The following SI variants were observed in gnomAD, a reference collection of about 807,000 sequenced individuals.
SI encodes sucrase-isomaltase, intestinal.
SI carries 235 observed loss-of-function variants against 253.3 expected under a neutral mutation model. That is an observed-to-expected ratio of 0.93 (90% CI 0.83 to 1.03). SI has a LOEUF of 1.03. Among genes scored for constraint, SI ranks in the 50% least tolerant of loss-of-function variants. The pLI, the probability that SI is intolerant of heterozygous loss-of-function variation, is 0.00. For synonymous variants in SI, 819 were observed against 712.0 expected (o/e 1.15, Z -2.39); for missense variants, 2,442 against 2,211.1 (o/e 1.10, Z -2.09).
In SI at chr3:165,015,119, G is replaced by A. The variant is rs775559686; in HGVS notation, c.3999+4C>T. ...TATTCTATTTCAAGATATCGATTTA[G>A]TACCTTTGCCCAACAAATGTCATTG... On this transcript the variant is annotated splice_donor_region_variant and intron_variant, in intron 33 of 47. Transcript: ENST00000264382. 1.3e-6 allele frequency: 2 copies of A among 1,592,908 alleles called. No homozygotes were observed. Among genetic ancestry groups the A allele is most frequent in the South Asian group, 2.2e-5 (2 of 90,628 alleles).
At chr3:165,030,029 T>C (rs1160510880) in intron 25 of SI, among the ~76,000 whole-genome samples, 1 of 150,090 alleles carries the variant, frequency 6.7e-6, no homozygotes, top group Non-Finnish European at 1.5e-5. Context: ...TGTAAATGTC[T>C]CTGGGAAATT....
At chr3:165,074,737 T>C in intron 2 of SI, 70 bp from the exon 3 acceptor site, 3 of 1,305,974 alleles carry the variant, frequency 2.3e-6, no homozygotes, top group Non-Finnish European at 2.2e-6. Context: ...TATCAAGTAA[T>C]AAGTACTTTT....
At chr3:165,066,346 G>T (rs146895149) in intron 6 of SI, among the ~76,000 whole-genome samples, 7 of 151,968 alleles carry the variant, frequency 4.6e-5, no homozygotes, top group Admixed American at 1.3e-4. Flanking sequence ...ACTGAGGGAG[G>T]TCTGTATTAA....
chr3:165,014,072 A>G lies in SI; in HGVS notation c.4000-1030T>C, dbSNP rs1433673085. Reference sequence around the variant, plus strand: ...GCTTTCTCTAATGTTAACATGTTATATAACAATAGTGAACTTATCAAAACC... The same window carrying G: ...GCTTTCTCTAATGTTAACATGTTATGTAACAATAGTGAACTTATCAAAACC... On this transcript the variant is annotated intron_variant, in intron 33 of 47. Transcript: ENST00000264382. Among the ~76,000 whole-genome samples, 28 of 152,186 alleles carry G rather than the reference A, an allele frequency of 1.8e-4. 1 individual carries two copies. Among genetic ancestry groups the G allele is most frequent in the Admixed American group, 1.8e-3 (28 of 15,270 alleles).
chr3:165,011,302 A>T (rs1418443902), intron 34 of SI, among the ~76,000 whole-genome samples: 1 of 151,852 alleles, frequency 6.6e-6, no homozygotes, highest in Admixed American at 6.6e-5. Flanking sequence ...GCTAAGTTGT[A>T]TTTTTATTTT....
intron 3 of SI, chr3:165,074,320 CTTG>C (rs749570927): frequency 7.1e-6 from 2 of 281,984 alleles, no homozygotes; most frequent in Non-Finnish European, 1.3e-5. Context: ...TGAATATTAA[CTTG>C]TTAATTTAAA....
chr3:164,986,120 G>C (rs1264567887), intron 45 of SI, among the ~76,000 whole-genome samples: 1 of 152,104 alleles, frequency 6.6e-6, no homozygotes, highest in Non-Finnish European at 1.5e-5. Context: ...CTACCTCCTT[G>C]TTGTAGAGGC....
At chr3:165,088,491 A>C in the SI span, among the ~76,000 whole-genome samples, 5 of 152,008 alleles carry the variant, frequency 3.3e-5, no homozygotes, top group African/African-American at 1.2e-4. Flanking sequence ...AAAAACACAA[A>C]AATTAGCTAG....
At chr3:165,060,314 G>T (rs931459575) in intron 9 of SI, among the ~76,000 whole-genome samples, 1 of 151,812 alleles carries the variant, frequency 6.6e-6, no homozygotes, top group Non-Finnish European at 1.5e-5. Flanking sequence ...GATATGTTTT[G>T]TCTATTGTAG....
intron 25 of SI, among the ~76,000 whole-genome samples, chr3:165,029,534 G>A (rs1384086311): frequency 1.5e-5 from 2 of 132,590 alleles, no homozygotes; most frequent in Non-Finnish European, 1.7e-5. Context: ...CAAACCAAAT[G>A]TTCACCAATC....
Position 164,987,191 on chromosome 3 carries a change from T to A in SI, c.5144A>T (p.Asp1715Val). The change falls in exon 45 of 48, where the codon GAT becomes GTT. Residue 1715 changes from aspartate (D) to valine (V), a missense_variant. Asp to Val is a radical substitution (Grantham distance 152). Transcript: ENST00000264382. The stretch of plus-strand genomic sequence containing the variant: ...AGAACCCTGTGCCATCTGATTATCA[T>A]CTGCAGCAACAATGAGCTTCATGTG... ...QKHMKLIVAA[D>V]DNQMAQGSLF... 1 of 1,613,774 alleles carries A rather than the reference T, an allele frequency of 6.2e-7. No homozygotes were observed. Among genetic ancestry groups the A allele is most frequent in the Non-Finnish European group, 8.5e-7 (1 of 1,179,784 alleles).
intron 28 of SI, among the ~76,000 whole-genome samples, chr3:165,018,310 T>G (rs1719142503): frequency 6.6e-6 from 1 of 150,718 alleles, no homozygotes; most frequent in African/African-American, 2.4e-5. Context: ...GAAATTAATA[T>G]ACAAATATGT....
intron 1 of SI, among the ~76,000 whole-genome samples, 176 bp from the exon 2 acceptor site, chr3:165,076,188 C>T (rs1714961522): frequency 6.6e-6 from 1 of 151,632 alleles, no homozygotes; most frequent in Non-Finnish European, 1.5e-5. Flanking sequence ...TAAGCATGTA[C>T]TTAATAACCT....
At chr3:165,075,158 A>G (rs1714870047) in intron 2 of SI, among the ~76,000 whole-genome samples, 1 of 152,002 alleles carries the variant, frequency 6.6e-6, no homozygotes, top group African/African-American at 2.4e-5. Flanking sequence ...GGTAGATACC[A>G]ACGCCATATA....
chr3:164,986,616 T>A lies in SI; in HGVS notation c.5197+522A>T, dbSNP rs566647499. 9.2e-5 allele frequency among the ~76,000 whole-genome samples: 14 copies of A among 152,316 alleles called. No homozygotes were observed. In the South Asian group the frequency reaches 2.9e-3, roughly 32 times the overall value. On this transcript the variant is annotated intron_variant, in intron 45 of 47. Coordinates refer to ENST00000264382, the MANE Select transcript of SI (RefSeq NM_001041.4). ...ATTCTCTGTATCTTTGGGCCTTTATTCTGAAGGTTCCTGTTTTACATAAAA... is the reference window on the plus strand; with the variant it reads ...ATTCTCTGTATCTTTGGGCCTTTATACTGAAGGTTCCTGTTTTACATAAAA...
At chr3:165,044,863 G>A (rs936688251) in intron 16 of SI, among the ~76,000 whole-genome samples, 9 of 151,920 alleles carry the variant, frequency 5.9e-5, no homozygotes, top group Non-Finnish European at 4.4e-5. Context: ...ATTTTCTTCT[G>A]AAATGGATAA....
At chr3:165,047,128 C>T (rs1290520834) in intron 15 of SI, 116 bp from the exon 16 acceptor site, 1 of 744,944 alleles carries the variant, frequency 1.3e-6, no homozygotes, top group African/African-American at 1.8e-5. Context: ...GTGTCCCCAC[C>T]CAAATCTCAT....
At chr3:165,029,710 C>T (rs1374186761) in intron 25 of SI, among the ~76,000 whole-genome samples, 1 of 148,440 alleles carries the variant, frequency 6.7e-6, no homozygotes, top group Non-Finnish European at 1.5e-5. Flanking sequence ...GATATTTATT[C>T]TTTAGCAAAA....
intron 25 of SI, among the ~76,000 whole-genome samples, chr3:165,028,698 C>T (rs1427855805): frequency 6.6e-6 from 1 of 151,288 alleles, no homozygotes; most frequent in Non-Finnish European, 1.5e-5. Context: ...AAAGGACATC[C>T]TATTCAACAA....
Sources: gnomAD v4.1 joint callset for allele counts (sites outside exome capture counted in the v4.1 genomes callset) on GRCh38, gnomAD v4.1.1 for gene constraint, MANE v1.5 for transcripts, NCBI Gene and HGNC (gene_info 2026-07-23, HGNC 2026-07-21) for gene names.